NAALADL2: variants seen among roughly 807,000 people sequenced by gnomAD.
The protein encoded by NAALADL2 is inactive N-acetylated-alpha-linked acidic dipeptidase-like protein 2.
Under a neutral mutation model 87.2 loss-of-function variants are expected in NAALADL2, and 76 were observed. The observed-to-expected ratio is 0.87, with a 90% confidence interval of 0.72 to 1.05. The LOEUF (loss-of-function observed/expected upper bound fraction) is 1.05, where lower values mean the gene tolerates loss of function less well. Among genes scored for constraint, NAALADL2 ranks in the 50% least tolerant of loss-of-function variants. The pLI is 0.00. For synonymous variants in NAALADL2, 354 were observed against 331.0 expected (o/e 1.07, Z -0.75); for missense variants, 1,089 against 945.8 (o/e 1.15, Z -1.99).
At chr3:174,572,247 C>T (rs187707085) in intron 2 of NAALADL2, among the ~76,000 whole-genome samples, 8 of 152,096 alleles carry the variant, frequency 5.3e-5, no homozygotes, top group Admixed American at 2.0e-4. Context: ...ACTTCAGTTT[C>T]CCAAGTAACC....
intron 1 of NAALADL2, among the ~76,000 whole-genome samples, chr3:174,869,304 A>C (rs1052071695): frequency 2.6e-5 from 4 of 151,972 alleles, no homozygotes; most frequent in African/African-American, 9.7e-5. Context: ...GGGAGAAAGA[A>C]GAGTGGAAAA....
At chr3:175,039,901 TG>T (rs139139380) in intron 1 of NAALADL2, among the ~76,000 whole-genome samples, 135 of 152,350 alleles carry the variant, frequency 8.9e-4, no homozygotes, top group African/African-American at 3.1e-3. Context: ...GTTTTGCGGT[TG>T]AATATACAAA....
intron 2 of NAALADL2, among the ~76,000 whole-genome samples, chr3:174,691,466 C>T (rs1242634668): frequency 6.6e-6 from 1 of 151,522 alleles, no homozygotes; most frequent in Non-Finnish European, 1.5e-5. Flanking sequence ...CTAAAAAATG[C>T]TAACAATCAT....
chr3:174,539,537 C>T (rs1722030093), intron 1 of NAALADL2, among the ~76,000 whole-genome samples: 2 of 152,080 alleles, frequency 1.3e-5, no homozygotes, highest in South Asian at 4.1e-4. Flanking sequence ...TACTTATGAC[C>T]TGCCTTTCTG....
At chr3:174,740,605 T>A (rs1201696768) in intron 3 of NAALADL2, among the ~76,000 whole-genome samples, 2 of 151,848 alleles carry the variant, frequency 1.3e-5, no homozygotes, top group African/African-American at 2.4e-5. Context: ...AATACTCTTA[T>A]AATCAAAATC....
intron 2 of NAALADL2, among the ~76,000 whole-genome samples, chr3:174,702,875 T>G (rs1363205945): frequency 6.6e-6 from 1 of 152,154 alleles, no homozygotes; most frequent in Non-Finnish European, 1.5e-5. Flanking sequence ...TAGTTTATGA[T>G]TGATTTATGT....
intron 2 of NAALADL2, among the ~76,000 whole-genome samples, chr3:174,577,389 G>A (rs1264307829): frequency 1.3e-5 from 2 of 152,102 alleles, no homozygotes; most frequent in Non-Finnish European, 2.9e-5. Flanking sequence ...ATAAATAAAA[G>A]CAAGTATTGG....
At chr3:175,299,933 T>C (rs560580202) in intron 4 of NAALADL2, among the ~76,000 whole-genome samples, 225 of 152,328 alleles carry the variant, frequency 1.5e-3, no homozygotes, top group Non-Finnish European at 1.5e-3. Flanking sequence ...TTGTCATAAA[T>C]AGCTTTTATT....
At chr3:174,820,264 G>T (rs1721274841) in intron 3 of NAALADL2, among the ~76,000 whole-genome samples, 1 of 152,120 alleles carries the variant, frequency 6.6e-6, no homozygotes, top group South Asian at 2.1e-4. Flanking sequence ...TATGGAAATA[G>T]AATTAGTTGA....
chr3:175,219,026 T>G (rs2109333873), intron 2 of NAALADL2, among the ~76,000 whole-genome samples: 1 of 152,194 alleles, frequency 6.6e-6, no homozygotes, highest in South Asian at 2.1e-4. Context: ...CAAATATTTA[T>G]ACATTTTATT....
chr3:175,381,791 G>A (rs1767816462), intron 5 of NAALADL2, among the ~76,000 whole-genome samples: 1 of 152,204 alleles, frequency 6.6e-6, no homozygotes, highest in South Asian at 2.1e-4. Context: ...GTTTTTGTGT[G>A]ACGTGTGTCT....
At chr3:174,619,115 T>G (rs1337327298) in intron 2 of NAALADL2, among the ~76,000 whole-genome samples, 4 of 151,934 alleles carry the variant, frequency 2.6e-5, no homozygotes, top group African/African-American at 9.7e-5. Context: ...GATACTGAAA[T>G]TAGATTTATG....
intron 2 of NAALADL2, among the ~76,000 whole-genome samples, chr3:175,211,377 A>G (rs529940854): frequency 3.2e-4 from 48 of 152,084 alleles, no homozygotes; most frequent in African/African-American, 1.2e-3. Flanking sequence ...TAATAAAAAT[A>G]ATCTAAGGAG....
chr3:174,765,145 A>ACAT (rs374203584), intron 3 of NAALADL2, among the ~76,000 whole-genome samples: 36,401 of 142,210 alleles, frequency 0.26, 4,877 homozygotes, highest in Non-Finnish European at 0.32. Context: ...CACACACACG[A>ACAT]GAGAGAGAGA....
At chr3:175,126,365 T>C (rs1056023583) in intron 2 of NAALADL2, among the ~76,000 whole-genome samples, 3 of 152,138 alleles carry the variant, frequency 2.0e-5, no homozygotes, top group African/African-American at 7.2e-5. Flanking sequence ...TAATTTCTTT[T>C]ATTGGTTCTG....
intron 9 of NAALADL2, among the ~76,000 whole-genome samples, chr3:175,492,122 C>T (rs751955679): frequency 9.2e-5 from 14 of 152,114 alleles, no homozygotes; most frequent in East Asian, 1.9e-4. Flanking sequence ...AGAATTTCCA[C>T]GGTAAAATGT....
At chr3:175,679,322 A>G (rs929069596) in intron 11 of NAALADL2, among the ~76,000 whole-genome samples, 3 of 151,768 alleles carry the variant, frequency 2.0e-5, no homozygotes, top group Admixed American at 6.6e-5. Flanking sequence ...GTCTGTTACT[A>G]TGGGTTTTAG....
chr3:175,534,472 T>A (rs1734529782), intron 9 of NAALADL2, among the ~76,000 whole-genome samples: 1 of 152,106 alleles, frequency 6.6e-6, no homozygotes, highest in Admixed American at 6.5e-5. Flanking sequence ...CTTTTCACAT[T>A]TTTCTGCCTG....
At chr3:175,394,771 T>A (rs1769545517) in intron 5 of NAALADL2, among the ~76,000 whole-genome samples, 1 of 152,214 alleles carries the variant, frequency 6.6e-6, no homozygotes, top group Non-Finnish European at 1.5e-5. Context: ...TTTCTGTTCA[T>A]GCTAATGCCT....
Sources: gnomAD v4.1 joint callset for allele counts (sites outside exome capture counted in the v4.1 genomes callset) on GRCh38, gnomAD v4.1.1 for gene constraint, MANE v1.5 for transcripts, NCBI Gene and HGNC (gene_info 2026-07-23, HGNC 2026-07-21) for gene names.